MMP26: variants seen among roughly 807,000 people sequenced by gnomAD.
The protein encoded by MMP26 is matrix metallopeptidase 26.
Under a neutral mutation model 31.0 loss-of-function variants are expected in MMP26, and 33 were observed. The ratio of observed to expected loss-of-function variants is 1.06; its 90% CI spans 0.81 to 1.42. The LOEUF (loss-of-function observed/expected upper bound fraction) is 1.42. Among genes scored for constraint, MMP26 ranks in the 40% most tolerant of loss-of-function variants. The pLI, the probability that MMP26 is intolerant of heterozygous loss-of-function variation, is 0.00. For missense variants in MMP26, 347 were observed against 316.1 expected (o/e 1.10, Z -0.74); for synonymous variants, 122 against 114.9 (o/e 1.06, Z -0.40).
At chr11:4,795,839 A>G (rs919880966) in intron 2 of MMP26, among the ~76,000 whole-genome samples, 8 of 139,196 alleles carry the variant, frequency 5.7e-5, no homozygotes, top group Non-Finnish European at 1.3e-4. Flanking sequence ...AAAGAGAGAG[A>G]GAGGGAGAGA....
chr11:4,848,934 A>G, intron 2 of MMP26: 1 of 1,614,092 alleles, frequency 6.2e-7, no homozygotes, highest in South Asian at 1.1e-5. Flanking sequence ...AGCAAGGGCG[A>G]TGCCCAGCAG....
chr11:4,919,607 C>T (rs78181914), intron 2 of MMP26, among the ~76,000 whole-genome samples: 2,906 of 152,184 alleles, frequency 0.019, 42 homozygotes, highest in Non-Finnish European at 0.031. Context: ...TTTGAACCAA[C>T]GCCACAACTT....
intron 2 of MMP26, among the ~76,000 whole-genome samples, chr11:4,961,972 A>T (rs953076844): frequency 6.6e-6 from 1 of 152,222 alleles, no homozygotes; most frequent in Non-Finnish European, 1.5e-5. Context: ...CATTTTCAAC[A>T]TTATAAAATT....
At chr11:4,743,997 T>C (rs770352855) in intron 1 of MMP26, among the ~76,000 whole-genome samples, 24 of 151,994 alleles carry the variant, frequency 1.6e-4, no homozygotes, top group Non-Finnish European at 3.2e-4. Flanking sequence ...TTTTTAGAGA[T>C]AATGTGTTGC....
intron 2 of MMP26, among the ~76,000 whole-genome samples, chr11:4,979,681 T>A: frequency 6.6e-6 from 1 of 152,230 alleles, no homozygotes; most frequent in Non-Finnish European, 1.5e-5. Flanking sequence ...CTCCTTTTAA[T>A]GCACTTGTGT....
intron 2 of MMP26, among the ~76,000 whole-genome samples, chr11:4,779,948 C>A (rs958346257): frequency 6.6e-6 from 1 of 152,028 alleles, no homozygotes; most frequent in African/African-American, 2.4e-5. Context: ...ACTGTACATA[C>A]ATTTTTGCTC....
chr11:4,777,833 C>T (rs1421920904), intron 2 of MMP26, among the ~76,000 whole-genome samples: 1 of 152,050 alleles, frequency 6.6e-6, no homozygotes, highest in Non-Finnish European at 1.5e-5. Flanking sequence ...CCTTAATTAA[C>T]TTTTCCATCC....
chr11:4,705,840 T>A (rs901981776), intron 1 of MMP26, among the ~76,000 whole-genome samples: 1 of 151,080 alleles, frequency 6.6e-6, no homozygotes, highest in Non-Finnish European at 1.5e-5. Context: ...TACAAAAAAT[T>A]AGCTGGGTGT....
chr11:4,738,245 T>C (rs527733540), intron 1 of MMP26, among the ~76,000 whole-genome samples: 80 of 152,324 alleles, frequency 5.3e-4, no homozygotes, highest in African/African-American at 1.9e-3. Context: ...TGCAATTTGC[T>C]TTCTTTGCAA....
chr11:4,722,738 C>G (rs1376108438), intron 1 of MMP26: 7 of 904,994 alleles, frequency 7.7e-6, no homozygotes, highest in Non-Finnish European at 1.3e-5. Context: ...CAGCTGTTCA[C>G]TTGGGCAGGA....
At chr11:4,813,025 A>ATT (rs1849371341) in intron 2 of MMP26, among the ~76,000 whole-genome samples, 1 of 151,384 alleles carries the variant, frequency 6.6e-6, no homozygotes, top group Admixed American at 6.6e-5. Context: ...GTATATATAT[A>ATT]TATATATGGG....
chr11:4,949,738 AAT>A (rs1300906697), intron 2 of MMP26, among the ~76,000 whole-genome samples: 1 of 124,452 alleles, frequency 8.0e-6, no homozygotes, highest in African/African-American at 2.7e-5. Context: ...TATGATATAA[AAT>A]AATGTCATCA....
chr11:4,992,162 C>A, intron 7 of MMP26, 37 bp downstream of exon 7: 2 of 1,604,852 alleles, frequency 1.2e-6, no homozygotes, highest in Non-Finnish European at 1.7e-6. Context: ...GAGATCTGGG[C>A]AGGAAAATTT....
chr11:4,919,741 T>A (rs933473635), intron 2 of MMP26, among the ~76,000 whole-genome samples: 4 of 152,302 alleles, frequency 2.6e-5, no homozygotes, highest in South Asian at 2.1e-4. Flanking sequence ...GGGATTTTTT[T>A]AAATTGAATG....
At chr11:4,898,829 CTCTGTGTGTGTGTGTG>C (rs1175990223) in intron 2 of MMP26, among the ~76,000 whole-genome samples, 107 of 125,490 alleles carry the variant, frequency 8.5e-4, no homozygotes, top group East Asian at 5.2e-3. Context: ...CTCTCTCTCT[CTCTGTGTGTGTGTGTG>C]TGTGTGTGTG....
At chr11:4,915,202 CAG>C (rs1341303107) in intron 2 of MMP26, 2 of 1,613,940 alleles carry the variant, frequency 1.2e-6, no homozygotes. Flanking sequence ...CACTACGACC[CAG>C]AGAGACCAGG....
intron 2 of MMP26, chr11:4,915,400 G>T: frequency 6.2e-7 from 1 of 1,614,020 alleles, no homozygotes; most frequent in South Asian, 1.1e-5. Flanking sequence ...CCCAAAAGAT[G>T]CCCAGGACTG....
At chr11:4,723,447 C>T in intron 1 of MMP26, 2 of 1,036,876 alleles carry the variant, frequency 1.9e-6, no homozygotes, top group South Asian at 1.3e-5. Flanking sequence ...TGTCCATGGA[C>T]AGCACCACAG....
intron 2 of MMP26, among the ~76,000 whole-genome samples, chr11:4,831,131 C>A (rs1849640617): frequency 6.6e-6 from 1 of 152,102 alleles, no homozygotes; most frequent in Non-Finnish European, 1.5e-5. Context: ...CTATTTCTAC[C>A]CACCACTTTC....
Sources: allele counts gnomAD v4.1 joint callset (sites outside exome capture counted in the v4.1 genomes callset), GRCh38; gene constraint gnomAD v4.1.1; transcripts MANE v1.5; gene names NCBI Gene and HGNC (gene_info 2026-07-23, HGNC 2026-07-21).